YBX3: variants seen among roughly 807,000 people sequenced by gnomAD.
YBX3 encodes the protein Y-box binding protein 3.
A neutral mutation model predicts 42.4 loss-of-function variants in YBX3; 29 were observed. That is an observed-to-expected ratio of 0.68 (90% confidence interval 0.51 to 0.93). YBX3 has a LOEUF of 0.93. Ranked by LOEUF, YBX3 falls within the 40% of genes least tolerant of loss-of-function variation. The pLI, the probability that YBX3 is intolerant of heterozygous loss-of-function variation, is 0.00. For missense variants in YBX3, 517 were observed against 527.5 expected (o/e 0.98, Z 0.19); for synonymous variants, 195 against 189.8 (o/e 1.03, Z -0.22).
chr12:10,699,713 T>C (rs963941918), intron 9 of YBX3, 59 bp from the exon 10 acceptor site: 4 of 152,592 alleles, frequency 2.6e-5, no homozygotes, highest in Admixed American at 2.0e-4. Flanking sequence ...AGTTAAAGAA[T>C]AAAAAGGCAG....
chr12:10,718,001 C>A, intron 3 of YBX3, 87 bp downstream of exon 3: 2 of 1,115,322 alleles, frequency 1.8e-6, no homozygotes, highest in South Asian at 1.8e-5. Flanking sequence ...AATAATAATC[C>A]ATAGGACTTA....
chr12:10,701,569 C>T (rs1399907146), intron 8 of YBX3, among the ~76,000 whole-genome samples: 7 of 151,332 alleles, frequency 4.6e-5, no homozygotes, highest in Non-Finnish European at 1.0e-4. Flanking sequence ...AAACAAAAAA[C>T]AAAACAAAAC....
intron 5 of YBX3, chr12:10,711,269 A>G (rs149827574): frequency 8.1e-4 from 123 of 152,348 alleles, no homozygotes; most frequent in African/African-American, 2.7e-3. Context: ...AAATGTCTTT[A>G]ATGGGAAGTA....
intron 3 of YBX3, chr12:10,716,264 C>T (rs1269823753): frequency 2.5e-5 from 4 of 162,174 alleles, no homozygotes; most frequent in Admixed American, 1.2e-4. Flanking sequence ...TCTGGCCTCC[C>T]CCCTCTCCTC....
In YBX3 at chr12:10,722,945, G is replaced by A. The variant is rs1182809084; in HGVS notation, c.167C>T (p.Pro56Leu). The A allele has an allele frequency of 1.6e-6, 2 of 1,286,344 alleles. No individual in the cohort carries two copies. Among genetic ancestry groups the A allele is most frequent in the African/African-American group, 3.1e-5 (2 of 64,510 alleles). The allele number at this position is 1,286,344 out of a possible 1,614,324, so 79.7% of individuals were successfully genotyped here. A position where few individuals can be genotyped will look rare whatever the true frequency, so the allele number is the denominator to read the frequency against. Reference sequence around the variant, plus strand: ...GGCTGCGGGGGCCGCGTCCCCACCGGGGTTTCCTGCGACGTGGGCGGCGGG... The same window carrying A: ...GGCTGCGGGGGCCGCGTCCCCACCGAGGTTTCCTGCGACGTGGGCGGCGGG... Reference protein sequence around the residue: ...PAPAAHVAGNPGGDAAPAATG... With the variant: ...PAPAAHVAGNLGGDAAPAATG... Residue 56 changes from proline (P) to leucine (L), a missense_variant, in exon 1 of 10, where the codon CCC becomes CTC. Pro to Leu is a moderately conservative substitution (Grantham distance 98, BLOSUM62 -3). Around this residue, in one of 3 missense-constraint regions of YBX3, gnomAD observed 86 missense variants for 82.5 expected, o/e 1.04. Transcript: ENST00000228251.
chr12:10,710,204 A>C, intron 5 of YBX3, 90 bp from the exon 6 acceptor site: 1 of 1,539,206 alleles, frequency 6.5e-7, no homozygotes, highest in Non-Finnish European at 8.7e-7. Context: ...ACCAAAATAA[A>C]ATCTCCCCAA....
At chr12:10,715,931 C>T in intron 3 of YBX3, 148 bp from the exon 4 acceptor site, 2 of 641,882 alleles carry the variant, frequency 3.1e-6, no homozygotes, top group South Asian at 1.9e-5. Flanking sequence ...GGATCTCCAA[C>T]ACAACAACAA....
At chr12:10,703,758 C>G (rs893717989) in intron 7 of YBX3, 4 of 336,616 alleles carry the variant, frequency 1.2e-5, no homozygotes, top group Non-Finnish European at 2.2e-5. Flanking sequence ...AGCATTACCA[C>G]AGAATTGCCC....
chr12:10,719,320 ATACTTTTCAGAAGACTAAACCTT>A (rs1948299107), intron 1 of YBX3, among the ~76,000 whole-genome samples, 177 bp from the exon 2 acceptor site: 1 of 152,228 alleles, frequency 6.6e-6, no homozygotes, highest in South Asian at 2.1e-4. Flanking sequence ...TCATAAGGAA[ATACTTTTCAGAAGACTAAACCTT>A]TCTTCCTTAT....
chr12:10,710,092 TC>T lies in YBX3; in HGVS notation c.595del (p.Glu199LysfsTer69). On this transcript the variant is annotated frameshift_variant, in exon 6 of 10. Coordinates refer to ENST00000228251, the MANE Select transcript of YBX3 (RefSeq NM_003651.5). LOFTEE classifies it high-confidence loss of function. ...AAATCCTTCACTGCTGCCGCTCCCT[TC>T]CTCCTCCTCCTCCCCAGCGTACTAG... ...PRNYAGEEEE[E>X]GSGSSEGFDP... 6.2e-7 allele frequency: 1 copy of T among 1,611,496 alleles called. No individual in the cohort carries two copies. Among genetic ancestry groups the T allele is most frequent in the East Asian group, 2.2e-5 (1 of 44,796 alleles).
chr12:10,707,554 T>C (rs984680583), intron 6 of YBX3, among the ~76,000 whole-genome samples: 2 of 152,238 alleles, frequency 1.3e-5, no homozygotes, highest in Non-Finnish European at 2.9e-5. Flanking sequence ...TTCATTTCTC[T>C]ACTGAAAAGA....
intron 8 of YBX3, 72 bp downstream of exon 8, chr12:10,701,888 A>G (rs1591720900): frequency 6.6e-7 from 1 of 1,512,126 alleles, no homozygotes; most frequent in East Asian, 2.3e-5. Flanking sequence ...TGATAAAACC[A>G]CTTTTAGAAT....
intron 7 of YBX3, chr12:10,703,796 TAA>T (rs1316236630): frequency 9.6e-6 from 4 of 418,134 alleles, no homozygotes; most frequent in Non-Finnish European, 1.7e-5. Context: ...TTTATTTTGA[TAA>T]AAATTAAGTA....
intron 3 of YBX3, 71 bp downstream of exon 3, chr12:10,718,017 G>C (rs767082877): frequency 1.5e-6 from 2 of 1,351,442 alleles, no homozygotes; most frequent in Non-Finnish European, 2.0e-6. Context: ...ACTTACTTTT[G>C]GGAAAGGGCT....
At chr12:10,711,345 G>A (rs1948198025) in intron 5 of YBX3, 1 of 151,758 alleles carries the variant, frequency 6.6e-6, no homozygotes, top group Admixed American at 6.6e-5. Flanking sequence ...TTTTACAGGA[G>A]TGTATTTAAG....
chr12:10,702,377 C>A, intron 7 of YBX3: 1 of 238,082 alleles, frequency 4.2e-6, no homozygotes, highest in Non-Finnish European at 8.0e-6. Flanking sequence ...AAAAATTAGC[C>A]GGGCGTGGTG....
At chr12:10,717,738 G>A in intron 3 of YBX3, 1 of 168,108 alleles carries the variant, frequency 5.9e-6, no homozygotes, top group Non-Finnish European at 1.3e-5. Flanking sequence ...ATTGGCTCCA[G>A]GCAAACACTA....
intron 3 of YBX3, among the ~76,000 whole-genome samples, chr12:10,717,117 C>T (rs2120975336): frequency 6.6e-6 from 1 of 152,274 alleles, no homozygotes; most frequent in East Asian, 1.9e-4. Context: ...TATCTAAATG[C>T]AACTGAGATA....
intron 6 of YBX3, among the ~76,000 whole-genome samples, chr12:10,706,842 C>T (rs111367546): frequency 2.0e-5 from 3 of 152,068 alleles, no homozygotes; most frequent in African/African-American, 7.3e-5. Context: ...ACAGTGAAAC[C>T]TCGTTTCTAC....
Sources: gnomAD v4.1 joint callset for allele counts (sites outside exome capture counted in the v4.1 genomes callset) on GRCh38, gnomAD v4.1.1 for gene constraint, gnomAD v4.1.1 regional missense constraint, MANE v1.5 for transcripts, NCBI Gene and HGNC (gene_info 2026-07-23, HGNC 2026-07-21) for gene names.